Variants in OR10J1 observed in about 807,000 individuals in gnomAD.
The protein encoded by OR10J1 is olfactory receptor family 10 subfamily J member 1.
For missense variants in OR10J1, 474 were observed against 376.6 expected (o/e 1.26, Z -2.14); for synonymous variants, 202 against 143.8 (o/e 1.40, Z -2.89).
the OR10J1 span, among the ~76,000 whole-genome samples, chr1:159,415,344 T>A: frequency 6.6e-6 from 1 of 152,142 alleles, no homozygotes; most frequent in Non-Finnish European, 1.5e-5. Flanking sequence ...TCCCAATGCA[T>A]GTTCTTAGTG....
chr1:159,419,567 T>C, the OR10J1 span, among the ~76,000 whole-genome samples: 2 of 152,216 alleles, frequency 1.3e-5, no homozygotes, highest in African/African-American at 2.4e-5. Flanking sequence ...GTCTCAGGTA[T>C]GCCTTTATTA....
At chr1:159,412,755 AC>A in the OR10J1 span, among the ~76,000 whole-genome samples, 1 of 151,826 alleles carries the variant, frequency 6.6e-6, no homozygotes, top group Non-Finnish European at 1.5e-5. Flanking sequence ...CCTAGGCGTT[AC>A]CATTCAGGAC....
chr1:159,440,551 G>A lies in OR10J1; in HGVS notation c.760G>A (p.Ala254Thr), dbSNP rs753503790. Reference protein sequence around the residue: ...LTVVIVHYSCASIAYLKPKSE... With the variant: ...LTVVIVHYSCTSIAYLKPKSE... The stretch of plus-strand genomic sequence containing the variant: ...TGTGGTCATTGTCCACTACAGCTGT[G>A]CCTCCATTGCCTACCTCAAGCCCAA... Residue 254 changes from alanine to threonine, a missense_variant, in exon 1 of 1, where the codon GCC (alanine) becomes ACC (threonine). Ala to Thr is a moderately conservative substitution (Grantham distance 58). Coordinates refer to ENST00000423932, the MANE Select transcript of OR10J1 (RefSeq NM_012351.3). The A allele has an allele frequency of 1.9e-6, 3 of 1,613,916 alleles. No individual in the cohort carries two copies. Among genetic ancestry groups the A allele is most frequent in the East Asian group, 2.2e-5 (1 of 44,860 alleles).
the OR10J1 span, among the ~76,000 whole-genome samples, chr1:159,397,566 A>G: frequency 6.6e-6 from 1 of 152,026 alleles, no homozygotes; most frequent in Non-Finnish European, 1.5e-5. Context: ...ACCACAAGCT[A>G]ACTTAAGAGA....
chr1:159,439,975 T>C lies in OR10J1; in HGVS notation c.184T>C (p.Phe62Leu). The C allele has an allele frequency of 6.2e-7, 1 of 1,614,190 alleles. No individual in the cohort carries two copies. The highest frequency in any genetic ancestry group is 8.5e-7 in the Non-Finnish European group (1 of 1,180,024). ...DLHLHTPMYF[F>L]LSMLSTSETV... ...TCATCTTCACACACCCATGTACTTC[T>C]TCCTGAGCATGCTGTCCACTTCAGA... Residue 62 changes from phenylalanine to leucine, a missense_variant, in exon 1 of 1, where the codon TTC (phenylalanine) becomes CTC (leucine). Transcript: ENST00000423932.
the OR10J1 span, among the ~76,000 whole-genome samples, chr1:159,403,200 T>C: frequency 6.6e-6 from 1 of 152,062 alleles, no homozygotes; most frequent in Non-Finnish European, 1.5e-5. Flanking sequence ...ATTATTAACC[T>C]GGGCAAAAAT....
In OR10J1 at chr1:159,440,527, G is replaced by T; in HGVS notation, c.736G>T (p.Val246Leu). The T allele has an allele frequency of 1.9e-6, 3 of 1,614,070 alleles. No individual in the cohort carries two copies. Among genetic ancestry groups the T allele is most frequent in the Non-Finnish European group, 2.5e-6 (3 of 1,180,004 alleles). ...AFATCASHLT[V>L]VIVHYSCASI... ...TGCCACCTGTGCATCCCACCTCACT[G>T]TGGTCATTGTCCACTACAGCTGTGC... The change falls in exon 1 of 1, where the codon GTG becomes TTG. Residue 246 changes from valine (V) to leucine (L), a missense_variant. By Grantham distance (32) the Val-to-Leu change is conservative. Transcript: ENST00000423932.
the OR10J1 span, among the ~76,000 whole-genome samples, chr1:159,403,046 T>C: frequency 2.0e-5 from 3 of 152,132 alleles, no homozygotes; most frequent in South Asian, 2.1e-4. Flanking sequence ...CTGGGAAAAC[T>C]GGGTATACAT....
chr1:159,401,153 A>T, the OR10J1 span, among the ~76,000 whole-genome samples: 1 of 151,894 alleles, frequency 6.6e-6, no homozygotes, highest in African/African-American at 2.4e-5. Flanking sequence ...CAAAAAAAAA[A>T]GAGAAAAAAC....
At chr1:159,403,781 A>G in the OR10J1 span, among the ~76,000 whole-genome samples, 1 of 152,290 alleles carries the variant, frequency 6.6e-6, no homozygotes, top group South Asian at 2.1e-4. Context: ...CACAAAAGAA[A>G]GGAAATCAGT....
At chr1:159,407,681 T>C in the OR10J1 span, among the ~76,000 whole-genome samples, 15 of 152,268 alleles carry the variant, frequency 9.9e-5, no homozygotes, top group Middle Eastern at 3.4e-3. Context: ...TTAATTCTTA[T>C]ATTTCTCTAT....
the OR10J1 span, among the ~76,000 whole-genome samples, chr1:159,430,918 G>T: frequency 3.3e-5 from 5 of 152,112 alleles, no homozygotes; most frequent in East Asian, 9.6e-4. Context: ...AACGAGCAAA[G>T]AAAATCAGGC....
At chr1:159,435,617 G>A (rs1275699336), upstream of OR10J1, among the ~76,000 whole-genome samples, 1 of 152,200 alleles carries the variant, frequency 6.6e-6, no homozygotes, top group African/African-American at 2.4e-5. Flanking sequence ...GTGGAAGATG[G>A]TGTGAGAGTA....
At chr1:159,411,316 T>C in the OR10J1 span, among the ~76,000 whole-genome samples, 3 of 152,272 alleles carry the variant, frequency 2.0e-5, no homozygotes, top group East Asian at 5.8e-4. Context: ...TCTCCCATTT[T>C]TATTGTGTGG....
At chr1:159,434,968 G>A (rs2101702941), upstream of OR10J1, among the ~76,000 whole-genome samples, 1 of 152,234 alleles carries the variant, frequency 6.6e-6, no homozygotes, top group Admixed American at 6.5e-5. Context: ...TTACCTAGGA[G>A]GTCTTGACTT....
upstream of OR10J1, among the ~76,000 whole-genome samples, chr1:159,433,374 GAT>G (rs1205013819): frequency 1.3e-5 from 2 of 152,134 alleles, no homozygotes; most frequent in Non-Finnish European, 2.9e-5. Context: ...AATCAAATAA[GAT>G]AAAGCATATC....
chr1:159,439,712 A>C (rs769322723), upstream of OR10J1: 2 of 1,569,972 alleles, frequency 1.3e-6, no homozygotes, highest in South Asian at 2.3e-5. Flanking sequence ...ACTTCAATCA[A>C]TTTCAGAAAT....
chr1:159,439,657 T>C, upstream of OR10J1: 2 of 1,038,210 alleles, frequency 1.9e-6, no homozygotes, highest in South Asian at 3.1e-5. Flanking sequence ...ATTAACTTAA[T>C]CCACTAGGAA....
chr1:159,416,989 T>C, the OR10J1 span, among the ~76,000 whole-genome samples: 2 of 152,010 alleles, frequency 1.3e-5, no homozygotes, highest in Middle Eastern at 3.2e-3. Flanking sequence ...GGTTAGTCCA[T>C]CTAGCAGTTT....
Sources: gnomAD v4.1 joint callset for allele counts (sites outside exome capture counted in the v4.1 genomes callset) on GRCh38, gnomAD v4.1.1 for gene constraint, MANE v1.5 for transcripts, NCBI Gene and HGNC (gene_info 2026-07-23, HGNC 2026-07-21) for gene names.